The following SGCZ variants were observed in gnomAD, a reference collection of about 807,000 sequenced individuals.
The protein encoded by SGCZ is sarcoglycan zeta.
SGCZ carries 40 observed loss-of-function variants against 41.3 expected under a neutral mutation model. The ratio of observed to expected loss-of-function variants is 0.97; its 90% CI spans 0.75 to 1.26. SGCZ has a LOEUF of 1.26. SGCZ is among the 50% of genes most tolerant of loss of function. The pLI is 0.00. For synonymous variants in SGCZ, 206 were observed against 137.5 expected, an observed-to-expected ratio of 1.50 and a Z score of -3.49; for missense variants, 552 against 369.8, an observed-to-expected ratio of 1.49 and a Z score of -4.04.
rs1272480572 is a variant in SGCZ at position 15,078,193 on chromosome 8, C to T, written c.39+159392G>A. Among the ~76,000 whole-genome samples, 3 of 142,056 alleles carry T rather than the reference C, an allele frequency of 2.1e-5. No individual in the cohort carries two copies. In the East Asian group the frequency reaches 6.3e-4, roughly 30 times the overall value. The allele number at this position is 142,056 out of a possible 152,430, so 93.2% of individuals were successfully genotyped here. ...TTTTTTTTTGCGTAATGAATCCACC[C>T]TCCTCACCTTTCAATGTGTTCCTGT... On this transcript the variant is annotated intron_variant, in intron 1 of 7. Transcript: ENST00000382080.
chr8:14,634,786 G>A (rs1256889065), intron 1 of SGCZ, among the ~76,000 whole-genome samples: 1 of 151,660 alleles, frequency 6.6e-6, no homozygotes, highest in East Asian at 1.9e-4. Flanking sequence ...AAGCCTAAAG[G>A]AATAAAGAAT....
At chr8:14,729,517 G>T (rs963000851) in intron 1 of SGCZ, among the ~76,000 whole-genome samples, 1 of 152,094 alleles carries the variant, frequency 6.6e-6, no homozygotes, top group Non-Finnish European at 1.5e-5. Flanking sequence ...GAGACATCAG[G>T]GATGAATGTG....
chr8:14,324,841 A>G (rs1449166185), intron 2 of SGCZ, among the ~76,000 whole-genome samples: 1 of 152,186 alleles, frequency 6.6e-6, no homozygotes, highest in African/African-American at 2.4e-5. Context: ...TATATCTGAT[A>G]AGATAGTAAA....
chr8:14,500,437 G>A (rs543825011), intron 2 of SGCZ, among the ~76,000 whole-genome samples: 1 of 118,736 alleles, frequency 8.4e-6, no homozygotes, highest in East Asian at 3.5e-4. Flanking sequence ...TGTCTTTCCA[G>A]TTACTTTTTT....
intron 4 of SGCZ, among the ~76,000 whole-genome samples, chr8:14,235,879 T>A (rs891499670): frequency 1.3e-5 from 2 of 152,104 alleles, no homozygotes; most frequent in African/African-American, 4.8e-5. Flanking sequence ...GAGATGGGGT[T>A]TCACCATGTT....
At chr8:14,471,638 A>G (rs1369855754) in intron 2 of SGCZ, among the ~76,000 whole-genome samples, 2 of 152,104 alleles carry the variant, frequency 1.3e-5, no homozygotes, top group Non-Finnish European at 2.9e-5. Flanking sequence ...GTAATTTACC[A>G]CAAATGTCAC....
chr8:14,205,498 A>G (rs1012788338), intron 4 of SGCZ, among the ~76,000 whole-genome samples: 2 of 152,190 alleles, frequency 1.3e-5, no homozygotes, highest in Admixed American at 6.6e-5. Context: ...CAGTCTAAAC[A>G]TTGCCGATGA....
chr8:15,176,422 A>T (rs1800003140), intron 1 of SGCZ, among the ~76,000 whole-genome samples: 1 of 152,244 alleles, frequency 6.6e-6, no homozygotes, highest in South Asian at 2.1e-4. Context: ...GACGGCAAAT[A>T]GTCTAATTGA....
At chr8:14,475,999 G>C (rs1009248600) in intron 2 of SGCZ, among the ~76,000 whole-genome samples, 2 of 151,270 alleles carry the variant, frequency 1.3e-5, no homozygotes, top group African/African-American at 4.9e-5. Flanking sequence ...TTAAGACAGG[G>C]TCTCACTATG....
At chr8:14,983,175 T>C (rs1006529931) in intron 1 of SGCZ, among the ~76,000 whole-genome samples, 2 of 121,454 alleles carry the variant, frequency 1.6e-5, no homozygotes, top group African/African-American at 6.0e-5. Flanking sequence ...CTGTCACTCC[T>C]TTTTTTTTTC....
At position 14,645,470 on chromosome 8, in the gene SGCZ, ATATATATTTATATG is replaced by A. The variant is rs1232462822; in HGVS notation, c.40-90558_40-90545del. Among the ~76,000 whole-genome samples the A allele has an allele frequency of 3.6e-5, 4 of 111,608 alleles. No homozygotes were observed. In the Admixed American group the frequency reaches 3.9e-4, roughly 11 times the overall value. 73.2% of individuals were successfully genotyped at this position (111,608 alleles called of 152,430 possible). On this transcript the variant is annotated intron_variant, in intron 1 of 7. Transcript: ENST00000382080. ...ATTAGAAAAGTATCATTGATTATAT[ATATATATTTATATG>A]TATATATATATATATATGGCACATA...
chr8:14,687,677 C>A (rs923382928), intron 1 of SGCZ, among the ~76,000 whole-genome samples: 4 of 151,480 alleles, frequency 2.6e-5, no homozygotes, highest in African/African-American at 9.7e-5. Flanking sequence ...GTCTTTATAG[C>A]AGCATGATTT....
intron 1 of SGCZ, among the ~76,000 whole-genome samples, chr8:14,784,482 C>G (rs1800690912): frequency 6.6e-6 from 1 of 151,932 alleles, no homozygotes; most frequent in South Asian, 2.1e-4. Context: ...TAAAATAGAT[C>G]TGGATCAGCT....
intron 3 of SGCZ, among the ~76,000 whole-genome samples, chr8:14,315,155 T>C (rs1801673825): frequency 6.6e-6 from 1 of 152,138 alleles, no homozygotes; most frequent in Non-Finnish European, 1.5e-5. Context: ...AAACTTTGGA[T>C]GCATCACTTA....
chr8:14,770,917 G>A (rs1207835415), intron 1 of SGCZ, among the ~76,000 whole-genome samples: 1 of 152,112 alleles, frequency 6.6e-6, no homozygotes, highest in Non-Finnish European at 1.5e-5. Context: ...TCAATTGAAT[G>A]AAGCCTTGAA....
intron 2 of SGCZ, among the ~76,000 whole-genome samples, chr8:14,451,621 C>G (rs570247082): frequency 6.6e-6 from 1 of 152,080 alleles, no homozygotes; most frequent in Non-Finnish European, 1.5e-5. Context: ...TCAAAATATA[C>G]GACAAACTCT....
At chr8:14,393,035 G>C (rs1019765696) in intron 2 of SGCZ, among the ~76,000 whole-genome samples, 1 of 152,078 alleles carries the variant, frequency 6.6e-6, no homozygotes, top group Non-Finnish European at 1.5e-5. Flanking sequence ...AATTATTCCA[G>C]GTAGTGATTT....
chr8:15,170,991 A>G (rs1372973772), intron 1 of SGCZ, among the ~76,000 whole-genome samples: 1 of 152,238 alleles, frequency 6.6e-6, no homozygotes, highest in Non-Finnish European at 1.5e-5. Flanking sequence ...TATTAAATTG[A>G]TTATTCAGAT....
chr8:14,103,946 A>G (rs1802122248), intron 6 of SGCZ, among the ~76,000 whole-genome samples: 1 of 152,176 alleles, frequency 6.6e-6, no homozygotes, highest in Non-Finnish European at 1.5e-5. Context: ...TTTCCCTGAT[A>G]CACAACCCTT....
Sources: gnomAD v4.1 joint callset for allele counts (sites outside exome capture counted in the v4.1 genomes callset) on GRCh38, gnomAD v4.1.1 for gene constraint, MANE v1.5 for transcripts, NCBI Gene and HGNC (gene_info 2026-07-23, HGNC 2026-07-21) for gene names.